Variants in PRELID2 observed in about 807,000 individuals in gnomAD.
PRELID2 encodes the protein PRELI domain-containing protein 2.
A neutral mutation model predicts 28.4 loss-of-function variants in PRELID2; 25 were observed. That is an observed-to-expected ratio of 0.88 (90% CI 0.64 to 1.23). The LOEUF is 1.23. Ranked by LOEUF, PRELID2 falls within the 50% of genes most tolerant of loss-of-function variation. The pLI, the probability that PRELID2 is intolerant of heterozygous loss-of-function variation, is 0.00. For synonymous variants in PRELID2, 76 were observed against 71.6 expected, an observed-to-expected ratio of 1.06 and a Z score of -0.31; for missense variants, 201 against 214.4, an observed-to-expected ratio of 0.94 and a Z score of 0.39.
the PRELID2 span, among the ~76,000 whole-genome samples, chr5:145,348,975 G>GT: frequency 3.9e-5 from 6 of 152,084 alleles, no homozygotes; most frequent in African/African-American, 1.4e-4. Flanking sequence ...AAAGGGTTAG[G>GT]TTTTTTGTCA....
chr5:145,833,971 G>C (rs1261556013), intron 1 of PRELID2, among the ~76,000 whole-genome samples: 2 of 152,220 alleles, frequency 1.3e-5, no homozygotes, highest in East Asian at 1.9e-4. Flanking sequence ...CATAGAACCA[G>C]ATCAGAGTCC....
At chr5:145,447,959 A>T in the PRELID2 span, among the ~76,000 whole-genome samples, 2 of 152,072 alleles carry the variant, frequency 1.3e-5, no homozygotes, top group Non-Finnish European at 2.9e-5. Flanking sequence ...TATAGCAGCA[A>T]GATTTATAGC....
At chr5:145,541,021 G>A (rs1362450950) in intron 1 of PRELID2, among the ~76,000 whole-genome samples, 1 of 151,980 alleles carries the variant, frequency 6.6e-6, no homozygotes, top group Non-Finnish European at 1.5e-5. Context: ...AAAGAAAGTG[G>A]AGGAGACAAA....
intron 1 of PRELID2, among the ~76,000 whole-genome samples, chr5:145,619,656 G>C (rs1424627529): frequency 1.3e-5 from 2 of 152,164 alleles, no homozygotes; most frequent in Non-Finnish European, 2.9e-5. Flanking sequence ...TAAAATTCAT[G>C]ATGTGAGCCT....
intron 1 of PRELID2, among the ~76,000 whole-genome samples, chr5:145,581,508 G>C (rs993292328): frequency 1.3e-5 from 2 of 152,032 alleles, no homozygotes; most frequent in Non-Finnish European, 2.9e-5. Context: ...CATCCATTCT[G>C]TGACTCCTTT....
chr5:145,259,870 G>T, the PRELID2 span, among the ~76,000 whole-genome samples: 1 of 152,108 alleles, frequency 6.6e-6, no homozygotes, highest in Non-Finnish European at 1.5e-5. Flanking sequence ...GAATGATATG[G>T]TTTGGATCTG....
intron 1 of PRELID2, among the ~76,000 whole-genome samples, chr5:145,732,036 C>T (rs1561562292): frequency 6.6e-6 from 1 of 152,128 alleles, no homozygotes. Flanking sequence ...ACAATAATTA[C>T]AATAATAACA....
intron 1 of PRELID2, among the ~76,000 whole-genome samples, chr5:145,478,803 G>C (rs1752130765): frequency 6.6e-6 from 1 of 152,164 alleles, no homozygotes; most frequent in South Asian, 2.1e-4. Flanking sequence ...TACCCACGCT[G>C]TCTTTTGGTG....
chr5:145,820,510 GA>G (rs1754709171), intron 2 of PRELID2, among the ~76,000 whole-genome samples: 1 of 152,160 alleles, frequency 6.6e-6, no homozygotes, highest in Non-Finnish European at 1.5e-5. Flanking sequence ...TCAACAAAAA[GA>G]GGGAGAACCT....
In PRELID2 at chr5:145,610,684, G is replaced by T. The variant is rs138444135; in HGVS notation, n.71-137369C>A. Among the ~76,000 whole-genome samples, 8 of 152,238 alleles carry T rather than the reference G, an allele frequency of 5.3e-5. No individual in the cohort carries two copies. In the East Asian group the frequency reaches 1.5e-3, roughly 29 times the overall value. ...TGCCATGATGTAATACTGGCTTTGA[G>T]ACTGAGTGGCAGGTGTAGAAAAACA... On this transcript the variant is annotated intron_variant and non_coding_transcript_variant, in intron 1 of 2. Transcript: ENST00000510259.
downstream of PRELID2, among the ~76,000 whole-genome samples, chr5:145,470,607 A>G (rs1196085605): frequency 1.3e-5 from 2 of 152,132 alleles, no homozygotes; most frequent in African/African-American, 4.8e-5. Flanking sequence ...GCAGGGATAC[A>G]CCACCTCATT....
the PRELID2 span, among the ~76,000 whole-genome samples, chr5:145,315,083 T>G: frequency 6.8e-6 from 1 of 147,056 alleles, no homozygotes; most frequent in Non-Finnish European, 1.5e-5. Flanking sequence ...TTTTTTTTTT[T>G]TTTGGAGATG....
At position 145,492,781 on chromosome 5, in the gene PRELID2, C is replaced by T. The variant is rs143250152; in HGVS notation, n.71-19466G>A. Among the ~76,000 whole-genome samples the T allele has an allele frequency of 2.4e-3, 338 of 140,974 alleles. 24 individuals are homozygous for T. The highest frequency in any genetic ancestry group is 7.6e-3 in the African/African-American group (305 of 40,022). 92.5% of individuals were successfully genotyped at this position (140,974 alleles called of 152,430 possible). On this transcript the variant is annotated intron_variant and non_coding_transcript_variant, in intron 1 of 2. Coordinates refer to the PRELID2 transcript ENST00000510259. Reference sequence around the variant, plus strand: ...GTCCAGAATCTAGGGCTGCTGTTGTCGGCCCAGAAGTGGTGCAGGCCAGAG... The same window carrying T: ...GTCCAGAATCTAGGGCTGCTGTTGTTGGCCCAGAAGTGGTGCAGGCCAGAG...
chr5:145,555,358 AG>A (rs1200419777), intron 1 of PRELID2, among the ~76,000 whole-genome samples: 1 of 152,238 alleles, frequency 6.6e-6, no homozygotes, highest in Non-Finnish European at 1.5e-5. Flanking sequence ...GCAGTTCAAA[AG>A]TATTTAAAGA....
chr5:145,235,563 A>G, the PRELID2 span, among the ~76,000 whole-genome samples: 3 of 152,162 alleles, frequency 2.0e-5, no homozygotes, highest in African/African-American at 7.2e-5. Context: ...ATTAATGAGA[A>G]CAATGTGTCT....
At chr5:145,826,867 C>T (rs1018129047) in intron 1 of PRELID2, among the ~76,000 whole-genome samples, 26 of 150,802 alleles carry the variant, frequency 1.7e-4, no homozygotes, top group Non-Finnish European at 3.4e-4. Context: ...GAAAAAAAAA[C>T]CCATAAGCTT....
chr5:145,234,888 G>A, the PRELID2 span, among the ~76,000 whole-genome samples: 1 of 152,238 alleles, frequency 6.6e-6, no homozygotes, highest in East Asian at 1.9e-4. Flanking sequence ...AAGGCAATGT[G>A]TATTTATATG....
chr5:145,386,043 C>G, the PRELID2 span, among the ~76,000 whole-genome samples: 7 of 151,816 alleles, frequency 4.6e-5, no homozygotes, highest in Non-Finnish European at 8.8e-5. Flanking sequence ...TAAAGACATA[C>G]CCAAGACTAG....
At chr5:145,630,537 T>C (rs1182677400) in intron 1 of PRELID2, among the ~76,000 whole-genome samples, 1 of 152,162 alleles carries the variant, frequency 6.6e-6, no homozygotes, top group Non-Finnish European at 1.5e-5. Flanking sequence ...CAACATCCCA[T>C]TAACTGTAAA....
Sources: gnomAD v4.1 joint callset for allele counts (sites outside exome capture counted in the v4.1 genomes callset) on GRCh38, gnomAD v4.1.1 for gene constraint, MANE v1.5 for transcripts, NCBI Gene and HGNC (gene_info 2026-07-23, HGNC 2026-07-21) for gene names.